NR1D1: variants seen among roughly 807,000 people sequenced by gnomAD.
NR1D1 encodes the protein Rev-ErbAalpha.
In NR1D1, 17 loss-of-function variants were observed where a neutral mutation model predicts 51.1. That is an observed-to-expected ratio of 0.33 (90% CI 0.23 to 0.50). NR1D1 has a LOEUF of 0.50. NR1D1 is among the 20% of genes least tolerant of loss of function. NR1D1 has a pLI of 0.98. For missense variants in NR1D1, 647 were observed against 830.4 expected, an observed-to-expected ratio of 0.78 and a Z score of 2.71; for synonymous variants, 341 against 333.4, an observed-to-expected ratio of 1.02 and a Z score of -0.25.
chr17:40,094,479 G>A (rs188992092), intron 6 of NR1D1, among the ~76,000 whole-genome samples: 1 of 152,356 alleles, frequency 6.6e-6, no homozygotes, highest in Non-Finnish European at 1.5e-5. Flanking sequence ...AGAGGAAGCA[G>A]CAGGAGCCGC....
chr17:40,096,934 G>A, intron 2 of NR1D1, 131 bp downstream of exon 2: 1 of 1,176,102 alleles, frequency 8.5e-7, no homozygotes, highest in East Asian at 2.4e-5. Flanking sequence ...CTGAAGAGGG[G>A]CTGGTGCCAC....
Position 40,096,575 on chromosome 17 carries a change from G to C in NR1D1, c.472C>G (p.Arg158Gly). The C allele has an allele frequency of 6.2e-7, 1 of 1,614,154 alleles. No individual in the cohort carries two copies. Among genetic ancestry groups the C allele is most frequent in the Non-Finnish European group, 8.5e-7 (1 of 1,179,998 alleles). Residue 158 changes from arginine to glycine, a missense_variant, in exon 4 of 8, where the codon CGG becomes GGG. Physicochemically the swap from Arg to Gly is moderately radical, Grantham distance 125. Transcript: ENST00000246672. ...TACTGGATGTTCTGCTGGATGCTCC[G>C]ACGGAAAAAGCCCTGGAGGGCAGGG... ...ACEGCKGFFRRSIQQNIQYKR... is the reference protein window; with the variant it reads ...ACEGCKGFFRGSIQQNIQYKR...
chr17:40,093,883 C>G lies in NR1D1; in HGVS notation c.1645+29G>C, dbSNP rs1987686634. ...TTGAATTGAACTGCGTCTGCCTCCT[C>G]CCCCGGGTCAGGCGAGAGCCTGACC... On this transcript the variant is annotated intron_variant, in intron 7 of 7. Transcript: ENST00000246672. This position sits in a 1 kb window ranked among gnomAD's most constrained non-coding sequence, Gnocchi z 5.9. The G allele has an allele frequency of 6.3e-7, 1 of 1,596,258 alleles. No individual in the cohort carries two copies. Among genetic ancestry groups the G allele is most frequent in the South Asian group, 1.1e-5 (1 of 89,314 alleles).
At chr17:40,098,149 G>A (rs1987801075) in intron 1 of NR1D1, among the ~76,000 whole-genome samples, 1 of 152,192 alleles carries the variant, frequency 6.6e-6, no homozygotes, top group African/African-American at 2.4e-5. Context: ...GGCCATTCAG[G>A]GACTTTGACC....
intron 4 of NR1D1, 45 bp from the exon 5 acceptor site, chr17:40,096,132 C>T (rs768443287): frequency 3.8e-6 from 6 of 1,586,092 alleles, no homozygotes; most frequent in Non-Finnish European, 5.2e-6. Flanking sequence ...CAACCATGCT[C>T]ACGTGCTTCT....
chr17:40,094,272 G>T, intron 6 of NR1D1, 150 bp from the exon 7 acceptor site: 1 of 675,940 alleles, frequency 1.5e-6, no homozygotes. Flanking sequence ...GGGAGCCCAG[G>T]TGGAAGGATG....
intron 1 of NR1D1, among the ~76,000 whole-genome samples, chr17:40,099,683 G>A (rs938129311): frequency 6.6e-6 from 1 of 152,146 alleles, no homozygotes; most frequent in African/African-American, 2.4e-5. Context: ...AGAGGGGAGG[G>A]GGTCCGTTTT....
Position 40,097,307 on chromosome 17 carries a change from G to A in NR1D1, c.128C>T (p.Ser43Phe), listed in dbSNP as rs778564105. ...GTAGGTGGGACAGCCTTGGGTCAGG[G>A]ACTGGAAGCTGCCATTGGAGTTGTC... ...YSDNSNGSFQSLTQGCPTYFP... is the reference protein window; with the variant it reads ...YSDNSNGSFQFLTQGCPTYFP... Residue 43 changes from serine (S) to phenylalanine (F), a missense_variant, in exon 2 of 8, where the codon TCC becomes TTC. By Grantham distance (155) the Ser-to-Phe change is radical. This residue lies in a region of NR1D1 where 40 missense variants were observed against 69.0 expected (regional missense o/e 0.58). Coordinates refer to ENST00000246672, the MANE Select transcript of NR1D1 (RefSeq NM_021724.5). 26 of 1,614,026 alleles carry A rather than the reference G, an allele frequency of 1.6e-5. No homozygotes were observed. In the Admixed American group the frequency reaches 3.2e-4, roughly 20 times the overall value.
Position 40,093,265 on chromosome 17 carries a change from T to A in NR1D1, c.1663A>T (p.Asn555Tyr). ...LVSADRSGME[N>Y]SASVEQLQET... ...TGGAGCTGCTCCACCGAAGCGGAAT[T>A]CTCCATGCCCGAGCGGTCTGTGGGG... The change falls in exon 8 of 8, where the codon AAT (asparagine) becomes TAT (tyrosine). Residue 555 changes from asparagine to tyrosine, a missense_variant. Asn to Tyr is a moderately radical substitution (Grantham distance 143). Transcript: ENST00000246672. This position sits in a 1 kb window ranked among gnomAD's most constrained non-coding sequence, Gnocchi z 5.9. 6.2e-7 allele frequency: 1 copy of A among 1,613,578 alleles called. No individual in the cohort carries two copies. Among genetic ancestry groups the A allele is most frequent in the Non-Finnish European group, 8.5e-7 (1 of 1,180,006 alleles).
chr17:40,094,896 C>A, intron 6 of NR1D1, 39 bp downstream of exon 6: 1 of 1,595,104 alleles, frequency 6.3e-7, no homozygotes, highest in South Asian at 1.1e-5. Flanking sequence ...AACTCTGTCT[C>A]AAAAAAAACA....
chr17:40,096,150 C>T (rs1987758497), intron 4 of NR1D1, 63 bp from the exon 5 acceptor site: 2 of 1,569,000 alleles, frequency 1.3e-6, no homozygotes, highest in African/African-American at 1.4e-5. Flanking sequence ...TCTCTTCCTT[C>T]CTTCCTCCTG....
chr17:40,097,285 G>C lies in NR1D1; in HGVS notation c.150C>G (p.Thr50=). The part of the protein sequence containing the change: ...SFQSLTQGCP[T]YFPPSPTGSL... Reference sequence around the variant, plus strand: ...AGCCAGTGGGGGATGGTGGGAAGTAGGTGGGACAGCCTTGGGTCAGGGACT... The same window carrying C: ...AGCCAGTGGGGGATGGTGGGAAGTACGTGGGACAGCCTTGGGTCAGGGACT... Residue 50 remains threonine, a synonymous_variant, in exon 2 of 8, where the codon ACC becomes ACG. Transcript: ENST00000246672. 1.9e-6 allele frequency: 3 copies of C among 1,613,988 alleles called. No homozygotes were observed. Among genetic ancestry groups the C allele is most frequent in the South Asian group, 2.2e-5 (2 of 91,080 alleles).
chr17:40,096,200 A>C, intron 4 of NR1D1, 113 bp from the exon 5 acceptor site: 1 of 1,455,590 alleles, frequency 6.9e-7, no homozygotes, highest in Non-Finnish European at 9.2e-7. Context: ...TCACATCAAA[A>C]CTAAAACCAG....
Position 40,097,382 on chromosome 17 carries a change from C to G in NR1D1, c.53G>C (p.Gly18Ala). 1 of 1,611,878 alleles carries G rather than the reference C, an allele frequency of 6.2e-7. No individual in the cohort carries two copies. Among genetic ancestry groups the G allele is most frequent in the Non-Finnish European group, 8.5e-7 (1 of 1,179,140 alleles). Reference protein sequence around the residue: ...NNTGGVITYIGSSGSSPSRTS... With the variant: ...NNTGGVITYIASSGSSPSRTS... ...GCGGCTTGGGGAGGAGCCACTGGAG[C>G]CAATGTAGGTGATGACGCCACCTGG... Residue 18 changes from glycine to alanine, a missense_variant, in exon 2 of 8, where the codon GGC (glycine) becomes GCC (alanine). By Grantham distance (60) the Gly-to-Ala change is moderately conservative. Coordinates refer to ENST00000246672, the MANE Select transcript of NR1D1 (RefSeq NM_021724.5).
chr17:40,095,066 TCTC>T lies in NR1D1; in HGVS notation c.1300_1302del (p.Glu434del), dbSNP rs746857301. On this transcript the variant is annotated inframe_deletion, in exon 6 of 8. Coordinates refer to ENST00000246672, the MANE Select transcript of NR1D1 (RefSeq NM_021724.5). ...AAGCTCATGGAGAAATCCTCCCAGA[TCTC>T]CTGCACCGTTCGCCCACTGCGTCCA... is the stretch of plus-strand genomic sequence containing the variant. 13 of 1,614,030 alleles carry T rather than the reference TCTC, an allele frequency of 8.1e-6. No individual in the cohort carries two copies. Among genetic ancestry groups the T allele is most frequent in the South Asian group, 2.2e-5 (2 of 91,080 alleles).
chr17:40,099,096 G>GGGGCA, intron 1 of NR1D1, among the ~76,000 whole-genome samples: 1 of 151,940 alleles, frequency 6.6e-6, no homozygotes, highest in South Asian at 2.1e-4. Context: ...TCGGCGGGGC[G>GGGGCA]GGGCAGGGCG....
intron 1 of NR1D1, among the ~76,000 whole-genome samples, chr17:40,098,437 A>G (rs1987806790): frequency 6.6e-6 from 1 of 152,184 alleles, no homozygotes; most frequent in Non-Finnish European, 1.5e-5. Flanking sequence ...CTTGGAAAAT[A>G]GTTGCACAAC....
At position 40,092,842 on chromosome 17, in the gene NR1D1, C is replaced by G. The variant is rs1051481979; in HGVS notation, c.*241G>C. ...GACAGGAACAGAACAAATCAGAGGG[C>G]CAGGGGAGGGTTGTGGGGGAGACAG... On this transcript the variant is annotated 3_prime_UTR_variant, in exon 8 of 8. Transcript: ENST00000246672. The G allele has an allele frequency of 2.3e-6, 2 of 879,334 alleles. No homozygotes were observed. The highest frequency in any genetic ancestry group is 3.4e-5 in the African/African-American group (2 of 58,264). The allele number at this position is 879,334 out of a possible 1,614,324, so 54.5% of individuals were successfully genotyped here.
chr17:40,094,290 G>A (rs1397648867), intron 6 of NR1D1, among the ~76,000 whole-genome samples, 168 bp from the exon 7 acceptor site: 1 of 152,156 alleles, frequency 6.6e-6, no homozygotes, highest in East Asian at 1.9e-4. Flanking sequence ...ATGGCTTTGG[G>A]ATCCAATAAG....
Sources: allele counts gnomAD v4.1 joint callset (sites outside exome capture counted in the v4.1 genomes callset), GRCh38; gene constraint gnomAD v4.1.1; regional missense constraint gnomAD v4.1.1; non-coding constraint Gnocchi (gnomAD v3.1); transcripts MANE v1.5; gene names NCBI Gene and HGNC (gene_info 2026-07-23, HGNC 2026-07-21).